TMCC3: variants seen among roughly 807,000 people sequenced by gnomAD.
TMCC3 encodes the protein transmembrane and coiled-coil domain protein 3.
A neutral mutation model predicts 40.2 loss-of-function variants in TMCC3; 28 were observed. The ratio of observed to expected loss-of-function variants is 0.70; its 90% CI spans 0.52 to 0.95. The LOEUF is 0.95. Ranked by LOEUF, TMCC3 falls within the 40% of genes least tolerant of loss-of-function variation. The probability of loss-of-function intolerance (pLI) is 0.00; values close to 1 mark genes in which losing one functional copy is unlikely to be tolerated. For missense variants in TMCC3, 554 were observed against 615.2 expected (o/e 0.90, Z 1.05); for synonymous variants, 255 against 248.5 (o/e 1.03, Z -0.25).
chr12:94,597,745 T>G (rs1424414058), intron 1 of TMCC3, among the ~76,000 whole-genome samples: 2 of 151,988 alleles, frequency 1.3e-5, no homozygotes. Context: ...AGGCGGAGGT[T>G]GCAGTGAGCC....
intron 1 of TMCC3, among the ~76,000 whole-genome samples, chr12:94,622,594 A>T (rs960919174): frequency 6.6e-6 from 1 of 152,150 alleles, no homozygotes; most frequent in Non-Finnish European, 1.5e-5. Flanking sequence ...ACTGATGTCG[A>T]CTCAGGAAAC....
intron 1 of TMCC3, among the ~76,000 whole-genome samples, chr12:94,601,055 CTAAT>C (rs1184595291): frequency 6.6e-6 from 1 of 151,630 alleles, no homozygotes; most frequent in Non-Finnish European, 1.5e-5. Flanking sequence ...ATGCACACAC[CTAAT>C]TAAAACAAAA....
At chr12:94,577,804 A>G (rs6538512) in intron 3 of TMCC3, among the ~76,000 whole-genome samples, 98,136 of 151,906 alleles carry the variant, frequency 0.65, 32,828 homozygotes, top group African/African-American at 0.83. Flanking sequence ...GATGGGCTTG[A>G]GGTGGATAAT....
Position 94,571,258 on chromosome 12 carries a change from A to G in TMCC3, c.*177T>C. On this transcript the variant is annotated 3_prime_UTR_variant, in exon 4 of 4. Transcript: ENST00000261226. ...AAACAGATTCGTGTTAACGAAGTAC[A>G]AGGACTGAGTTGGCAACTGCTACGG... 2 of 665,826 alleles carry G rather than the reference A, an allele frequency of 3.0e-6. No homozygotes were observed. Among genetic ancestry groups the G allele is most frequent in the Non-Finnish European group, 5.0e-6 (2 of 398,134 alleles). The allele number at this position is 665,826 out of a possible 1,614,324, so 41.2% of individuals were successfully genotyped here.
chr12:94,572,714 C>T (rs971866329), intron 3 of TMCC3, among the ~76,000 whole-genome samples: 1 of 152,206 alleles, frequency 6.6e-6, no homozygotes, highest in Non-Finnish European at 1.5e-5. Flanking sequence ...TGTGACTACT[C>T]CACCTTTCAG....
intron 1 of TMCC3, among the ~76,000 whole-genome samples, chr12:94,587,446 G>A (rs143153310): frequency 7.2e-5 from 11 of 152,294 alleles, no homozygotes; most frequent in East Asian, 5.8e-4. Context: ...CAAGGGCTCC[G>A]GAAACAGACT....
intron 1 of TMCC3, among the ~76,000 whole-genome samples, chr12:94,643,764 GT>G (rs2069003401): frequency 6.6e-6 from 1 of 152,214 alleles, no homozygotes; most frequent in Non-Finnish European, 1.5e-5. Flanking sequence ...CACCCAACTA[GT>G]TTAGAAAGAC....
chr12:94,639,094 G>A (rs1011868571), intron 1 of TMCC3, among the ~76,000 whole-genome samples: 2 of 152,018 alleles, frequency 1.3e-5, no homozygotes, highest in Non-Finnish European at 2.9e-5. Context: ...TCCACTCTTC[G>A]GCCTATCGTC....
At chr12:94,635,892 C>T (rs2068958464) in intron 1 of TMCC3, among the ~76,000 whole-genome samples, 1 of 152,070 alleles carries the variant, frequency 6.6e-6, no homozygotes, top group Admixed American at 6.6e-5. Context: ...TGGTCTGGAA[C>T]TCCTGACCTC....
intron 1 of TMCC3, among the ~76,000 whole-genome samples, chr12:94,610,780 T>G (rs1394215481): frequency 2.0e-5 from 3 of 152,202 alleles, no homozygotes; most frequent in Non-Finnish European, 4.4e-5. Context: ...TGCACGCTCA[T>G]CTGTGCTTAA....
In TMCC3 at chr12:94,642,548, C is replaced by T. The variant is rs116064217; in HGVS notation, c.78+7805G>A. ...GAGGAAGATACAGGTTTACAATCAG[C>T]CATTTAAAATGTGGCTTCCTCAGGG... On this transcript the variant is annotated intron_variant, in intron 1 of 3. Transcript: ENST00000261226. 4.0e-3 allele frequency among the ~76,000 whole-genome samples: 607 copies of T among 152,318 alleles called. 5 individuals are homozygous for T. Among genetic ancestry groups the T allele is most frequent in the African/African-American group, 0.014 (579 of 41,552 alleles).
chr12:94,598,319 C>T (rs1452456313), intron 1 of TMCC3, among the ~76,000 whole-genome samples: 2 of 152,142 alleles, frequency 1.3e-5, no homozygotes, highest in East Asian at 3.9e-4. Context: ...ATACCTGTTT[C>T]CTTTAACCCC....
At chr12:94,604,510 A>G (rs1298698) in intron 1 of TMCC3, among the ~76,000 whole-genome samples, 95,755 of 151,626 alleles carry the variant, frequency 0.63, 31,337 homozygotes, top group Non-Finnish European at 0.73. Flanking sequence ...GTACAGAATT[A>G]AAAAATGTAA....
At chr12:94,576,437 G>C (rs2068565285) in intron 3 of TMCC3, among the ~76,000 whole-genome samples, 1 of 152,134 alleles carries the variant, frequency 6.6e-6, no homozygotes, top group Non-Finnish European at 1.5e-5. Flanking sequence ...AATGACTACT[G>C]TCCACAGAGA....
chr12:94,621,798 A>T (rs904132121), intron 1 of TMCC3, among the ~76,000 whole-genome samples: 1 of 152,164 alleles, frequency 6.6e-6, no homozygotes, highest in Non-Finnish European at 1.5e-5. Context: ...TAATCATGAG[A>T]GCCCCAGTAT....
intron 1 of TMCC3, among the ~76,000 whole-genome samples, chr12:94,649,648 C>T (rs1209874596): frequency 6.6e-6 from 1 of 152,242 alleles, no homozygotes; most frequent in East Asian, 1.9e-4. Context: ...AGGACAGACC[C>T]GCGCTTGGGC....
At chr12:94,606,010 AAAACAAAC>A (rs147282791) in intron 1 of TMCC3, among the ~76,000 whole-genome samples, 2 of 152,262 alleles carry the variant, frequency 1.3e-5, no homozygotes, top group South Asian at 4.1e-4. Context: ...TTAGTAACAG[AAAACAAAC>A]AAACAAACAA....
intron 1 of TMCC3, among the ~76,000 whole-genome samples, chr12:94,612,744 T>A (rs1270260440): frequency 1.3e-5 from 2 of 152,266 alleles, no homozygotes; most frequent in African/African-American, 4.8e-5. Context: ...CTTGCACTTT[T>A]AAAATTTTTT....
intron 1 of TMCC3, among the ~76,000 whole-genome samples, chr12:94,635,671 T>G (rs904863201): frequency 7.0e-6 from 1 of 143,472 alleles, no homozygotes; most frequent in Non-Finnish European, 1.5e-5. Context: ...TTTTTTTTTT[T>G]TTTTTTTTTT....
Sources: gnomAD v4.1 joint callset for allele counts (sites outside exome capture counted in the v4.1 genomes callset) on GRCh38, gnomAD v4.1.1 for gene constraint, MANE v1.5 for transcripts, NCBI Gene and HGNC (gene_info 2026-07-23, HGNC 2026-07-21) for gene names.